DOP1A: variants seen among roughly 807,000 people sequenced by gnomAD.
DOP1A encodes the protein DOP1 leucine zipper like protein A, also known as protein DOP1A.
DOP1A carries 90 observed loss-of-function variants against 267.6 expected under a neutral mutation model. The observed-to-expected ratio is 0.34, with a 90% confidence interval of 0.28 to 0.40. The LOEUF (loss-of-function observed/expected upper bound fraction) is 0.40. Ranked by LOEUF, DOP1A falls within the 10% of genes least tolerant of loss-of-function variation. DOP1A has a pLI of 1.00. For synonymous variants in DOP1A, 932 were observed against 999.1 expected, an observed-to-expected ratio of 0.93 and a Z score of 1.27; for missense variants, 2,437 against 2,900.4, an observed-to-expected ratio of 0.84 and a Z score of 3.67.
downstream of DOP1A, chr6:83,169,756 A>C (rs1205106727): frequency 2.2e-6 from 1 of 457,952 alleles, no homozygotes. Context: ...CAGCGCACTC[A>C]CTGTACTTTG....
At chr6:83,160,784 T>A (rs1784047973) in intron 37 of DOP1A, among the ~76,000 whole-genome samples, 1 of 152,214 alleles carries the variant, frequency 6.6e-6, no homozygotes, top group Non-Finnish European at 1.5e-5. Context: ...TTATATTGTG[T>A]CTTATTTTTC....
chr6:83,126,535 A>G (rs1235822557), intron 15 of DOP1A, among the ~76,000 whole-genome samples: 1 of 152,154 alleles, frequency 6.6e-6, no homozygotes, highest in East Asian at 1.9e-4. Flanking sequence ...GAAAGATATT[A>G]TACAAGTAAG....
intron 1 of DOP1A, among the ~76,000 whole-genome samples, chr6:83,070,813 G>T (rs1785464568): frequency 6.6e-6 from 1 of 151,870 alleles, no homozygotes; most frequent in Non-Finnish European, 1.5e-5. Flanking sequence ...TGACCAAATG[G>T]ATTAATGTAA....
chr6:83,137,818 A>C lies in DOP1A; in HGVS notation c.3776A>C (p.Lys1259Thr). 1 of 1,613,886 alleles carries C rather than the reference A, an allele frequency of 6.2e-7. No individual in the cohort carries two copies. Among genetic ancestry groups the C allele is most frequent in the East Asian group, 2.2e-5 (1 of 44,874 alleles). The part of the protein sequence containing the change: ...HDSSVASIET[K>T]SRQRSHSSIQ... Reference sequence around the variant, plus strand: ...TCTTCTGTTGCTTCCATAGAAACCAAATCTAGACAAAGGAGTCACAGTAGT... The same window carrying C: ...TCTTCTGTTGCTTCCATAGAAACCACATCTAGACAAAGGAGTCACAGTAGT... The change falls in exon 21 of 39, where the codon AAA becomes ACA. Residue 1259 changes from lysine (K) to threonine (T), a missense_variant. Coordinates refer to ENST00000349129, the MANE Select transcript of DOP1A (RefSeq NM_015018.4).
Position 83,096,797 on chromosome 6 carries a change from T to C in DOP1A, c.-80T>C. 3.5e-6 allele frequency: 2 copies of C among 575,494 alleles called. No individual in the cohort carries two copies. Among genetic ancestry groups the C allele is most frequent in the Non-Finnish European group, 5.9e-6 (2 of 341,224 alleles). 35.6% of individuals were successfully genotyped at this position (575,494 alleles called of 1,614,324 possible). On this transcript the variant is annotated 5_prime_UTR_variant, in exon 2 of 39. It removes the in-frame stop codon of an upstream open reading frame in the 5' UTR. Transcript: ENST00000349129. Reference sequence around the variant, plus strand: ...TACTTCCATGACCCTGAACACTAGCTGAGGAGAGTTTCAACCACTGCTAAC... The same window carrying C: ...TACTTCCATGACCCTGAACACTAGCCGAGGAGAGTTTCAACCACTGCTAAC...
intron 24 of DOP1A, among the ~76,000 whole-genome samples, chr6:83,144,119 G>A (rs910064049): frequency 6.6e-6 from 1 of 152,080 alleles, no homozygotes; most frequent in Non-Finnish European, 1.5e-5. Context: ...ACAACAACAA[G>A]GAAAATTGCC....
At chr6:83,082,640 A>T (rs996833298) in intron 1 of DOP1A, among the ~76,000 whole-genome samples, 11 of 152,200 alleles carry the variant, frequency 7.2e-5, no homozygotes, top group African/African-American at 2.7e-4. Context: ...AAATACAAAG[A>T]GTAGTAAGTG....
intron 7 of DOP1A, among the ~76,000 whole-genome samples, chr6:83,117,332 A>C (rs1293540778): frequency 6.6e-6 from 1 of 151,636 alleles, no homozygotes; most frequent in Non-Finnish European, 1.5e-5. Context: ...TTGTAATTTT[A>C]GTAGAGATGG....
At chr6:83,141,870 G>GT (rs1414147105) in intron 23 of DOP1A, 51 bp from the exon 24 acceptor site, 4 of 1,562,056 alleles carry the variant, frequency 2.6e-6, no homozygotes, top group African/African-American at 1.4e-5. Context: ...AGTTGTAAAT[G>GT]TTTTTTCATT....
intron 10 of DOP1A, 57 bp downstream of exon 10, chr6:83,120,848 A>G (rs549566627): frequency 5.5e-5 from 70 of 1,280,834 alleles, no homozygotes; most frequent in Non-Finnish European, 7.3e-5. Flanking sequence ...TGTTAATAAG[A>G]AAATAAAAAG....
intron 1 of DOP1A, among the ~76,000 whole-genome samples, chr6:83,087,694 G>A (rs1232197712): frequency 1.3e-5 from 2 of 152,156 alleles, no homozygotes; most frequent in African/African-American, 4.8e-5. Context: ...CTACTGCAAA[G>A]GATCAACTGG....
chr6:83,073,462 C>T (rs1385334409), intron 1 of DOP1A, among the ~76,000 whole-genome samples: 1 of 152,080 alleles, frequency 6.6e-6, no homozygotes, highest in Non-Finnish European at 1.5e-5. Flanking sequence ...GGAAGGCTGT[C>T]CTCAAAGCAC....
intron 38 of DOP1A, chr6:83,164,779 C>T (rs1785056539): frequency 7.1e-7 from 1 of 1,404,784 alleles, no homozygotes; most frequent in South Asian, 1.3e-5. Flanking sequence ...TATTGAGACA[C>T]AAACCCAGGT....
intron 5 of DOP1A, 102 bp from the exon 6 acceptor site, chr6:83,110,023 T>C: frequency 2.4e-6 from 3 of 1,233,868 alleles, no homozygotes; most frequent in Non-Finnish European, 3.3e-6. Flanking sequence ...AACATATGAC[T>C]GTAGCATGGG....
intron 37 of DOP1A, 129 bp from the exon 38 acceptor site, chr6:83,162,661 G>A (rs1046608402): frequency 6.9e-6 from 7 of 1,012,978 alleles, no homozygotes; most frequent in South Asian, 4.9e-5. Flanking sequence ...ACAAGGCTAC[G>A]AGTGGCACAT....
In DOP1A at chr6:83,134,154, G is replaced by T. The variant is rs776927316; in HGVS notation, c.2770-33G>T. 10 of 1,575,314 alleles carry T rather than the reference G, an allele frequency of 6.3e-6. No individual in the cohort carries two copies. The South Asian group carries it at 1.1e-4, about 18-fold the overall frequency. ...AAATCATAGTATCTTCAAGAGAGAA[G>T]AACATAATTTAAGCTCCCATGTTTC... On this transcript the variant is annotated intron_variant, in intron 18 of 38. Transcript: ENST00000349129.
intron 1 of DOP1A, among the ~76,000 whole-genome samples, chr6:83,072,305 C>T (rs1785756214): frequency 1.3e-5 from 2 of 151,352 alleles, no homozygotes; most frequent in African/African-American, 2.4e-5. Flanking sequence ...TTGGTGTTAA[C>T]GGTTTCCAAA....
At chr6:83,125,470 A>G in intron 14 of DOP1A, 30 bp from the exon 15 acceptor site, 4 of 1,601,504 alleles carry the variant, frequency 2.5e-6, no homozygotes, top group Non-Finnish European at 3.4e-6. Context: ...CACATTGTTT[A>G]AACTTTTTTC....
In DOP1A at chr6:83,108,967, C is replaced by T. The variant is rs772292377; in HGVS notation, c.378C>T (p.Leu126=). ...NAAMSVKPTL[L]SLYEIYYLPL... ...CCATGTCTGTGAAACCAACATTGCT[C>T]AGTTTGTATGAGATATATTATCTGC... The change falls in exon 5 of 39, where the codon CTC becomes CTT. Residue 126 remains leucine, a synonymous_variant. Coordinates refer to ENST00000349129, the MANE Select transcript of DOP1A (RefSeq NM_015018.4). The T allele has an allele frequency of 1.2e-6, 2 of 1,613,490 alleles. No homozygotes were observed. The highest frequency in any genetic ancestry group is 2.2e-5 in the South Asian group (2 of 91,004).
Sources: gnomAD v4.1 joint callset for allele counts (sites outside exome capture counted in the v4.1 genomes callset) on GRCh38, gnomAD v4.1.1 for gene constraint, MANE v1.5 for transcripts, NCBI Gene and HGNC (gene_info 2026-07-23, HGNC 2026-07-21) for gene names.